The following SH2D4A variants were observed in gnomAD, a reference collection of about 807,000 sequenced individuals.
The protein encoded by SH2D4A is SH2 domain containing 4A, also known as SH2 domain-containing protein 4A.
In SH2D4A, 70 loss-of-function variants were observed where a neutral mutation model predicts 64.7. The ratio of observed to expected loss-of-function variants is 1.08; its 90% CI spans 0.89 to 1.32. The LOEUF (loss-of-function observed/expected upper bound fraction) is 1.32. Ranked by LOEUF, SH2D4A falls within the 40% of genes most tolerant of loss-of-function variation. The pLI is 0.00. For missense variants in SH2D4A, 706 were observed against 540.1 expected (o/e 1.31, Z -3.04); for synonymous variants, 268 against 200.7 (o/e 1.34, Z -2.83).
chr8:19,389,186 CT>C (rs2053441472), intron 8 of SH2D4A, among the ~76,000 whole-genome samples: 1 of 152,184 alleles, frequency 6.6e-6, no homozygotes, highest in Non-Finnish European at 1.5e-5. Flanking sequence ...TTGAACTGCC[CT>C]GTGGGGCAGT....
intron 4 of SH2D4A, among the ~76,000 whole-genome samples, chr8:19,348,136 C>T (rs1372660288): frequency 6.6e-6 from 1 of 152,302 alleles, no homozygotes; most frequent in African/African-American, 2.4e-5. Flanking sequence ...TGCTGTGTCA[C>T]CCAGGCTGGA....
At chr8:19,391,672 A>G (rs2053495103) in intron 8 of SH2D4A, among the ~76,000 whole-genome samples, 1 of 152,144 alleles carries the variant, frequency 6.6e-6, no homozygotes, top group Non-Finnish European at 1.5e-5. Context: ...GAAGCAGGAG[A>G]AGGTCTGGTT....
In SH2D4A at chr8:19,361,312, C is replaced by T; in HGVS notation, c.704C>T (p.Ser235Phe). The T allele has an allele frequency of 6.2e-7, 1 of 1,608,824 alleles. No individual in the cohort carries two copies. The highest frequency in any genetic ancestry group is 8.5e-7 in the Non-Finnish European group (1 of 1,178,506). ...SWKEDSEWQA[S>F]LRKSKAADEK... Reference sequence around the variant, plus strand: ...AAAGAAGACTCGGAATGGCAGGCATCTCGTGAGTACCCAGAGGTCTCCATA... The same window carrying T: ...AAAGAAGACTCGGAATGGCAGGCATTTCGTGAGTACCCAGAGGTCTCCATA... The change falls in exon 6 of 10, where the codon TCT becomes TTT. Residue 235 changes from serine (S) to phenylalanine (F), a missense_variant and splice_region_variant. By Grantham distance (155) the Ser-to-Phe change is radical. Coordinates refer to ENST00000265807, the MANE Select transcript of SH2D4A (RefSeq NM_022071.4).
intron 4 of SH2D4A, among the ~76,000 whole-genome samples, chr8:19,336,308 T>C (rs1034595104): frequency 1.3e-5 from 2 of 152,178 alleles, no homozygotes; most frequent in African/African-American, 4.8e-5. Context: ...ATGAGGGCTA[T>C]GAAGAAGCTT....
intron 1 of SH2D4A, among the ~76,000 whole-genome samples, chr8:19,317,595 C>G (rs1299910011): frequency 6.6e-6 from 1 of 152,058 alleles, no homozygotes; most frequent in Non-Finnish European, 1.5e-5. Flanking sequence ...AGCTGTTGAG[C>G]GTGCTTGTCT....
intron 4 of SH2D4A, among the ~76,000 whole-genome samples, chr8:19,352,212 A>G (rs1277805953): frequency 1.3e-5 from 2 of 152,256 alleles, no homozygotes; most frequent in Non-Finnish European, 2.9e-5. Flanking sequence ...CATATTTTGT[A>G]ACCATGTAAT....
At position 19,393,384 on chromosome 8, in the gene SH2D4A, T is replaced by A. The variant is rs769803029; in HGVS notation, c.1115T>A (p.Ile372Asn). The change falls in exon 9 of 10, where the codon ATC becomes AAC. Residue 372 changes from isoleucine to asparagine, a missense_variant. Coordinates refer to ENST00000265807, the MANE Select transcript of SH2D4A (RefSeq NM_022071.4). The stretch of plus-strand genomic sequence containing the variant: ...ACAGGCATGCCCGGCAGTTTTCTCA[T>A]CCGAGTCAGTGAAAGGATCAAAGGC... ...LSTGMPGSFL[I>N]RVSERIKGYA... 2 of 1,614,206 alleles carry A rather than the reference T, an allele frequency of 1.2e-6. No individual in the cohort carries two copies. The highest frequency in any genetic ancestry group is 1.7e-5 in the Admixed American group (1 of 60,026).
intron 2 of SH2D4A, among the ~76,000 whole-genome samples, chr8:19,325,818 C>A (rs1405387463): frequency 1.3e-5 from 2 of 152,138 alleles, no homozygotes; most frequent in Non-Finnish European, 2.9e-5. Flanking sequence ...CGTATGCTAA[C>A]AAATATAGGA....
intron 4 of SH2D4A, among the ~76,000 whole-genome samples, chr8:19,338,243 G>C (rs2052474045): frequency 6.6e-6 from 1 of 152,190 alleles, no homozygotes; most frequent in Non-Finnish European, 1.5e-5. Context: ...TGGAAAACCA[G>C]AAATAATTTG....
chr8:19,380,606 C>T (rs1465190447), intron 8 of SH2D4A, among the ~76,000 whole-genome samples: 5 of 152,144 alleles, frequency 3.3e-5, no homozygotes, highest in Non-Finnish European at 7.4e-5. Flanking sequence ...TGCAATTTTA[C>T]CAGCACCATT....
intron 2 of SH2D4A, among the ~76,000 whole-genome samples, chr8:19,322,209 A>AT (rs2052202370): frequency 6.6e-6 from 1 of 152,190 alleles, no homozygotes; most frequent in African/African-American, 2.4e-5. Context: ...TAGACCGTCC[A>AT]AAGCAATGCT....
intron 2 of SH2D4A, among the ~76,000 whole-genome samples, chr8:19,325,305 T>G (rs1563184511): frequency 6.6e-6 from 1 of 152,232 alleles, no homozygotes; most frequent in African/African-American, 2.4e-5. Flanking sequence ...AGCATAAGAT[T>G]TGTATTCATA....
intron 4 of SH2D4A, among the ~76,000 whole-genome samples, chr8:19,336,369 T>C (rs1180318222): frequency 6.6e-6 from 1 of 152,022 alleles, no homozygotes; most frequent in Non-Finnish European, 1.5e-5. Context: ...AAGAGAAAAT[T>C]CTAAATTTGG....
rs2052790106 is a variant in SH2D4A at position 19,356,284 on chromosome 8, G to GT, written c.514-916dup. ...AAGGGGAAGATTGAGAAAGCCACTG[G>GT]TTTATTGCATGGTGCAGTAATGATC... On this transcript the variant is annotated intron_variant, in intron 4 of 9. Transcript: ENST00000265807. Among the ~76,000 whole-genome samples the GT allele has an allele frequency of 2.6e-5, 4 of 152,218 alleles. No homozygotes were observed. In the South Asian group the frequency reaches 8.3e-4, roughly 31 times the overall value.
At chr8:19,345,871 A>G (rs1480792482) in intron 4 of SH2D4A, among the ~76,000 whole-genome samples, 1 of 152,206 alleles carries the variant, frequency 6.6e-6, no homozygotes, top group Non-Finnish European at 1.5e-5. Flanking sequence ...CCCCAGTTCT[A>G]AGAGTGAAGA....
intron 2 of SH2D4A, among the ~76,000 whole-genome samples, chr8:19,322,017 G>A (rs1393278043): frequency 6.6e-6 from 1 of 152,130 alleles, no homozygotes; most frequent in African/African-American, 2.4e-5. Context: ...TATAAGTGGG[G>A]AAAGTTCTAT....
intron 8 of SH2D4A, among the ~76,000 whole-genome samples, chr8:19,386,865 G>C (rs2153651892): frequency 6.6e-6 from 1 of 152,310 alleles, no homozygotes; most frequent in South Asian, 2.1e-4. Context: ...CTGCAGCCTT[G>C]ACTGTCTGGG....
Position 19,381,953 on chromosome 8 carries a change from T to C in SH2D4A, c.1048+8293T>C, listed in dbSNP as rs535951035. On this transcript the variant is annotated intron_variant, in intron 8 of 9. Coordinates refer to ENST00000265807, the MANE Select transcript of SH2D4A (RefSeq NM_022071.4). ...TACGGTGTGTTACATTGATCGATTT[T>C]CATATATTGTACCATCTTGCATTCC... Among the ~76,000 whole-genome samples, 11 of 152,296 alleles carry C rather than the reference T, an allele frequency of 7.2e-5. No homozygotes were observed. The East Asian group carries it at 1.9e-3, about 27-fold the overall frequency.
At chr8:19,326,678 A>G (rs901820266) in intron 2 of SH2D4A, among the ~76,000 whole-genome samples, 1 of 143,180 alleles carries the variant, frequency 7.0e-6, no homozygotes, top group Admixed American at 6.8e-5. Context: ...GTGTGTGTGT[A>G]GTGTGTGTGA....
Sources: allele counts gnomAD v4.1 joint callset (sites outside exome capture counted in the v4.1 genomes callset), GRCh38; gene constraint gnomAD v4.1.1; transcripts MANE v1.5; gene names NCBI Gene and HGNC (gene_info 2026-07-23, HGNC 2026-07-21).